Variants in NRXN1 observed in about 807,000 individuals in gnomAD.
NRXN1 encodes neurexin-1.
In NRXN1, 39 loss-of-function variants were observed where a neutral mutation model predicts 150.9. The ratio of observed to expected loss-of-function variants is 0.26; its 90% CI spans 0.20 to 0.34. The LOEUF (loss-of-function observed/expected upper bound fraction) is 0.34. NRXN1 is among the 10% of genes least tolerant of loss of function. The pLI, the probability that NRXN1 is intolerant of heterozygous loss-of-function variation, is 1.00. For missense variants in NRXN1, 1,815 were observed against 1,949.9 expected (o/e 0.93, Z 1.30); for synonymous variants, 924 against 757.0 (o/e 1.22, Z -3.62).
At chr2:50,309,310 C>G (rs2152961434) in intron 17 of NRXN1, among the ~76,000 whole-genome samples, 1 of 152,296 alleles carries the variant, frequency 6.6e-6, no homozygotes, top group Middle Eastern at 3.4e-3. Flanking sequence ...TACTAGGACA[C>G]AGTTTTTCCT....
At chr2:51,000,896 T>C (rs1699955370) in intron 2 of NRXN1, among the ~76,000 whole-genome samples, 1 of 151,934 alleles carries the variant, frequency 6.6e-6, no homozygotes, top group Non-Finnish European at 1.5e-5. Flanking sequence ...TAACTACTCC[T>C]CCACTTTTCT....
intron 5 of NRXN1, among the ~76,000 whole-genome samples, chr2:50,669,997 C>T (rs1467308390): frequency 6.6e-6 from 1 of 151,660 alleles, no homozygotes; most frequent in African/African-American, 2.4e-5. Flanking sequence ...AATTCCAACA[C>T]ATAATTTTTG....
At chr2:50,029,978 G>A (rs139205586) in intron 21 of NRXN1, among the ~76,000 whole-genome samples, 51 of 152,058 alleles carry the variant, frequency 3.4e-4, no homozygotes, top group African/African-American at 1.1e-3. Context: ...AAAATACCCA[G>A]CTCCATGCCA....
At chr2:50,339,395 CA>C (rs558278438) in intron 17 of NRXN1, among the ~76,000 whole-genome samples, 38 of 152,000 alleles carry the variant, frequency 2.5e-4, no homozygotes, top group Admixed American at 6.6e-4. Context: ...TCTCAGAGCC[CA>C]AAGGGTTCTA....
intron 5 of NRXN1, among the ~76,000 whole-genome samples, chr2:50,688,660 ACTTT>A (rs1465418580): frequency 6.6e-6 from 1 of 152,038 alleles, no homozygotes; most frequent in African/African-American, 2.4e-5. Context: ...CTTCTCAGGG[ACTTT>A]CTTTTCAGTA....
At chr2:50,627,344 T>G (rs1241674903) in intron 5 of NRXN1, among the ~76,000 whole-genome samples, 4 of 136,314 alleles carry the variant, frequency 2.9e-5, no homozygotes, top group Non-Finnish European at 4.7e-5. Context: ...GTCAAGTGGG[T>G]TCTGGTTCAT....
chr2:50,572,408 T>G (rs996240085), intron 8 of NRXN1, among the ~76,000 whole-genome samples: 4 of 152,250 alleles, frequency 2.6e-5, no homozygotes, highest in Admixed American at 1.3e-4. Context: ...CTTCTGTTTT[T>G]GCAAGCATAC....
intron 13 of NRXN1, among the ~76,000 whole-genome samples, chr2:50,499,647 T>A (rs947689945): frequency 6.6e-6 from 1 of 152,114 alleles, no homozygotes; most frequent in African/African-American, 2.4e-5. Context: ...CAATGAAGAA[T>A]ATGAGAAGCT....
intron 5 of NRXN1, among the ~76,000 whole-genome samples, chr2:50,778,214 C>G (rs1201531309): frequency 2.0e-5 from 3 of 152,126 alleles, no homozygotes; most frequent in Middle Eastern, 3.2e-3. Flanking sequence ...TGAGTCATTA[C>G]AGGTGTGTCT....
intron 2 of NRXN1, among the ~76,000 whole-genome samples, chr2:50,944,669 T>C (rs559750167): frequency 6.6e-6 from 1 of 152,312 alleles, no homozygotes; most frequent in Non-Finnish European, 1.5e-5. Flanking sequence ...AGAATCTGAA[T>C]GCCAATTGAT....
chr2:51,002,781 T>C (rs1250531858), intron 2 of NRXN1, among the ~76,000 whole-genome samples: 1 of 151,984 alleles, frequency 6.6e-6, no homozygotes, highest in Non-Finnish European at 1.5e-5. Context: ...GGTGGCTGTG[T>C]TCTTGTCCTG....
chr2:50,305,259 C>T (rs2074513809), intron 17 of NRXN1, among the ~76,000 whole-genome samples: 1 of 152,102 alleles, frequency 6.6e-6, no homozygotes. Flanking sequence ...GAGCTTTCAA[C>T]TTTTATTTAT....
intron 5 of NRXN1, among the ~76,000 whole-genome samples, chr2:50,730,409 A>C (rs141041090): frequency 5.6e-4 from 86 of 152,246 alleles, no homozygotes; most frequent in African/African-American, 2.0e-3. Context: ...ATCAAGCATA[A>C]CTTTAATGAG....
intron 19 of NRXN1, among the ~76,000 whole-genome samples, chr2:50,081,585 A>T (rs1056114228): frequency 1.4e-4 from 21 of 152,218 alleles, no homozygotes; most frequent in Admixed American, 9.2e-4. Flanking sequence ...TCTTGAGCTT[A>T]CAAGATACGA....
intron 18 of NRXN1, among the ~76,000 whole-genome samples, chr2:50,206,047 T>C (rs547903875): frequency 5.3e-5 from 8 of 152,172 alleles, no homozygotes; most frequent in East Asian, 3.9e-4. Flanking sequence ...ATTGTACACA[T>C]TGAGTAAATC....
At chr2:50,950,050 A>G (rs1691049367) in intron 2 of NRXN1, among the ~76,000 whole-genome samples, 1 of 152,190 alleles carries the variant, frequency 6.6e-6, no homozygotes, top group Non-Finnish European at 1.5e-5. Context: ...CTATTTGCTA[A>G]GCAGAATAAC....
chr2:50,992,413 T>C (rs1421850833), intron 2 of NRXN1, among the ~76,000 whole-genome samples: 1 of 152,000 alleles, frequency 6.6e-6, no homozygotes, highest in Non-Finnish European at 1.5e-5. Context: ...GATAGAACTT[T>C]GAAAGGCTAA....
At chr2:50,848,556 G>C (rs10460544) in intron 5 of NRXN1, among the ~76,000 whole-genome samples, 13,956 of 152,134 alleles carry the variant, frequency 0.092, 747 homozygotes, top group Admixed American at 0.09. Context: ...CTAAGGGATA[G>C]TGAGGGATGA....
Position 50,822,669 on chromosome 2 carries a change from T to C in NRXN1, c.832+99200A>G, listed in dbSNP as rs117046685. On this transcript the variant is annotated intron_variant, in intron 5 of 22. Coordinates refer to ENST00000401669, the MANE Select transcript of NRXN1 (RefSeq NM_001330078.2). ...GGGAATAATATGCCTTTTAAATTTA[T>C]GATAAGATAATTAGCAACCTTGCTA... 8.3e-4 allele frequency among the ~76,000 whole-genome samples: 127 copies of C among 152,264 alleles called. 1 individual carries two copies. The East Asian group carries it at 0.024, about 29-fold the overall frequency.
Sources: gnomAD v4.1 joint callset for allele counts (sites outside exome capture counted in the v4.1 genomes callset) on GRCh38, gnomAD v4.1.1 for gene constraint, MANE v1.5 for transcripts, NCBI Gene and HGNC (gene_info 2026-07-23, HGNC 2026-07-21) for gene names.